Variants in IQCE observed in about 807,000 individuals in gnomAD.
IQCE encodes IQ motif containing E.
IQCE carries 115 observed loss-of-function variants against 96.0 expected under a neutral mutation model. The ratio of observed to expected loss-of-function variants is 1.20; its 90% CI spans 1.03 to 1.40. The LOEUF (loss-of-function observed/expected upper bound fraction) is 1.40, where lower values mean the gene tolerates loss of function less well. IQCE is among the 40% of genes most tolerant of loss of function. IQCE has a pLI of 0.00. For synonymous variants in IQCE, 412 were observed against 371.2 expected, an observed-to-expected ratio of 1.11 and a Z score of -1.26; for missense variants, 1,041 against 909.1, an observed-to-expected ratio of 1.15 and a Z score of -1.87.
chr7:2,591,232 A>G (rs1435341128), intron 14 of IQCE, among the ~76,000 whole-genome samples: 2 of 152,040 alleles, frequency 1.3e-5, no homozygotes, highest in Non-Finnish European at 1.5e-5. Context: ...CAGCCTGGGT[A>G]ACAGTGAGAC....
chr7:2,609,499 C>T (rs1466232592), intron 21 of IQCE, among the ~76,000 whole-genome samples: 1 of 152,224 alleles, frequency 6.6e-6, no homozygotes, highest in African/African-American at 2.4e-5. Flanking sequence ...TCCTGGACTG[C>T]TGCTGTGGGA....
In IQCE at chr7:2,598,623, C is replaced by T. The variant is rs755827318; in HGVS notation, c.1599C>T (p.Tyr533=). 3.8e-6 allele frequency: 6 copies of T among 1,560,504 alleles called. No individual in the cohort carries two copies. The highest frequency in any genetic ancestry group is 1.2e-5 in the South Asian group (1 of 84,318). The change falls in exon 17 of 22, where the codon TAC becomes TAT. Residue 533 remains tyrosine (Y), a synonymous_variant. Transcript: ENST00000402050. The part of the protein sequence containing the change: ...ARVLQAQWKV[Y]KHKKKKAVLD... ...TCCTGCAGGCCCAGTGGAAGGTGTA[C>T]AAGCACAAGGTGAGGCTCCCCGGGG...
intron 1 of IQCE, among the ~76,000 whole-genome samples, chr7:2,566,167 G>C (rs1240655879): frequency 2.0e-5 from 3 of 152,086 alleles, no homozygotes; most frequent in Non-Finnish European, 4.4e-5. Flanking sequence ...CTAACTTCCA[G>C]TGTCCGCATT....
chr7:2,560,455 C>T (rs1402743702), intron 1 of IQCE, among the ~76,000 whole-genome samples: 1 of 152,174 alleles, frequency 6.6e-6, no homozygotes, highest in Admixed American at 6.5e-5. Flanking sequence ...ACAGCTGCAC[C>T]CGCAGTAGGG....
At chr7:2,603,611 C>T (rs1173264468) in intron 18 of IQCE, among the ~76,000 whole-genome samples, 6 of 152,148 alleles carry the variant, frequency 3.9e-5, no homozygotes, top group South Asian at 2.1e-4. Context: ...GATGCGTGCC[C>T]CTCTCACCCC....
chr7:2,609,593 G>A (rs190722672), intron 21 of IQCE, among the ~76,000 whole-genome samples: 17 of 152,382 alleles, frequency 1.1e-4, no homozygotes, highest in Admixed American at 6.5e-4. Flanking sequence ...TTTTGACTGG[G>A]GGAAATGGTG....
rs1257446238 is a variant in IQCE, at chr7:2,593,209, C to A, written c.1349+83C>A. The stretch of plus-strand genomic sequence containing the variant: ...ACTGCGGCCCCCCGTGGCGTCTCAG[C>A]CTTGCTGCCAGCCGGCTTCTTAGAA... On this transcript the variant is annotated intron_variant, in intron 15 of 21. Coordinates refer to ENST00000402050, the MANE Select transcript of IQCE (RefSeq NM_152558.5). 13 of 1,493,248 alleles carry A rather than the reference C, an allele frequency of 8.7e-6. No individual in the cohort carries two copies. The East Asian group carries it at 2.8e-4, about 32-fold the overall frequency. 92.5% of individuals were successfully genotyped at this position (1,493,248 alleles called of 1,614,324 possible).
intron 15 of IQCE, among the ~76,000 whole-genome samples, chr7:2,593,657 T>A (rs1172802993): frequency 1.3e-5 from 2 of 152,194 alleles, no homozygotes; most frequent in African/African-American, 2.4e-5. Context: ...AGCACACGAT[T>A]CCTTGCGCAG....
At chr7:2,568,595 C>T (rs1231329966) in intron 2 of IQCE, among the ~76,000 whole-genome samples, 1 of 152,216 alleles carries the variant, frequency 6.6e-6, no homozygotes, top group African/African-American at 2.4e-5. Flanking sequence ...ACCACCTCCA[C>T]CTGAGTGGAC....
Position 2,572,213 on chromosome 7 carries a change from A to C in IQCE, c.281A>C (p.Asn94Thr), listed in dbSNP as rs757464180. ...CCAGGAAGTCTGACCCAGGCCCTGA[A>C]CTCACCCCTCACCTGGGAGCATGCG... ...AKPGSLTQAL[N>T]SPLTWEHAWT... The change falls in exon 5 of 22, where the codon AAC becomes ACC. Residue 94 changes from asparagine (N) to threonine (T), a missense_variant. Physicochemically the swap from Asn to Thr is moderately conservative, Grantham distance 65. Coordinates refer to ENST00000402050, the MANE Select transcript of IQCE (RefSeq NM_152558.5). 7 of 1,614,008 alleles carry C rather than the reference A, an allele frequency of 4.3e-6. 1 individual carries two copies. The South Asian group carries it at 7.7e-5, about 18-fold the overall frequency.
At chr7:2,594,584 CT>C (rs1328488757) in intron 15 of IQCE, among the ~76,000 whole-genome samples, 1 of 152,234 alleles carries the variant, frequency 6.6e-6, no homozygotes, top group African/African-American at 2.4e-5. Context: ...ACAACGGATT[CT>C]TTTTTTAGTT....
intron 14 of IQCE, among the ~76,000 whole-genome samples, chr7:2,591,208 G>T (rs1282204611): frequency 6.6e-6 from 1 of 151,698 alleles, no homozygotes. Context: ...AGCTATAATC[G>T]TACCACTGCA....
At chr7:2,567,187 G>A (rs199915623) in intron 2 of IQCE, 24 bp downstream of exon 2, 70 of 1,606,784 alleles carry the variant, frequency 4.4e-5, no homozygotes, top group South Asian at 1.4e-4. Context: ...GGTGTCAGCC[G>A]TGCGACCTCG....
chr7:2,575,159 C>T (rs551825316), intron 6 of IQCE, among the ~76,000 whole-genome samples: 10 of 152,380 alleles, frequency 6.6e-5, no homozygotes, highest in African/African-American at 2.4e-4. Flanking sequence ...CCAGGACGCT[C>T]TGAGTGTTTC....
At chr7:2,598,676 C>A (rs775728680) in intron 17 of IQCE, 44 bp downstream of exon 17, 1 of 1,434,968 alleles carries the variant, frequency 7.0e-7, no homozygotes, top group Non-Finnish European at 9.2e-7. Flanking sequence ...TGTGAGTCTT[C>A]GTGCTCCAAG....
At chr7:2,581,304 C>T (rs898445465) in intron 8 of IQCE, among the ~76,000 whole-genome samples, 1 of 151,950 alleles carries the variant, frequency 6.6e-6, no homozygotes, top group Non-Finnish European at 1.5e-5. Flanking sequence ...TTCCCATGTT[C>T]AAGCGATTCT....
intron 18 of IQCE, among the ~76,000 whole-genome samples, chr7:2,602,855 T>C (rs1784527809): frequency 6.6e-6 from 1 of 152,212 alleles, no homozygotes; most frequent in Non-Finnish European, 1.5e-5. Context: ...CTCAGTGGCC[T>C]GCGCGCAGCT....
intron 18 of IQCE, among the ~76,000 whole-genome samples, chr7:2,604,282 C>G (rs553731890): frequency 6.6e-6 from 1 of 152,256 alleles, no homozygotes; most frequent in Non-Finnish European, 1.5e-5. Context: ...CCGTGCCCAG[C>G]TAATTTTCTG....
At chr7:2,563,690 C>G (rs549146552) in intron 1 of IQCE, among the ~76,000 whole-genome samples, 11 of 151,650 alleles carry the variant, frequency 7.3e-5, no homozygotes, top group Non-Finnish European at 1.5e-4. Flanking sequence ...GTCAGGAGAT[C>G]GAGACCATCC....
Sources: allele counts gnomAD v4.1 joint callset (sites outside exome capture counted in the v4.1 genomes callset), GRCh38; gene constraint gnomAD v4.1.1; transcripts MANE v1.5; gene names NCBI Gene and HGNC (gene_info 2026-07-23, HGNC 2026-07-21).